The following PARP8 variants were observed in gnomAD, a reference collection of about 807,000 sequenced individuals.
PARP8 encodes the protein poly(ADP-ribose) polymerase family member 8, also known as protein mono-ADP-ribosyltransferase PARP8.
A neutral mutation model predicts 124.1 loss-of-function variants in PARP8; 51 were observed. The observed-to-expected ratio is 0.41, with a 90% CI of 0.33 to 0.52. The LOEUF (loss-of-function observed/expected upper bound fraction) is 0.52, where lower values mean the gene tolerates loss of function less well. Among genes scored for constraint, PARP8 ranks in the 20% least tolerant of loss-of-function variants. PARP8 has a pLI of 0.21. For synonymous variants in PARP8, 391 were observed against 361.5 expected (o/e 1.08, Z -0.93); for missense variants, 860 against 1,018.9 (o/e 0.84, Z 2.12).
chr5:50,695,235 G>A (rs1269639128), intron 2 of PARP8, among the ~76,000 whole-genome samples: 1 of 152,194 alleles, frequency 6.6e-6, no homozygotes, highest in East Asian at 1.9e-4. Context: ...AATGGAATGA[G>A]AATATTGCAT....
intron 2 of PARP8, among the ~76,000 whole-genome samples, chr5:50,710,178 A>G (rs911484957): frequency 2.1e-4 from 32 of 151,378 alleles, no homozygotes; most frequent in Non-Finnish European, 1.2e-4. Flanking sequence ...CTCCTGATGT[A>G]TTTTCTCAGT....
At chr5:50,689,017 AATTTTTTTTTTTTG>A (rs1377937446) in intron 2 of PARP8, among the ~76,000 whole-genome samples, 1 of 139,700 alleles carries the variant, frequency 7.2e-6, no homozygotes, top group African/African-American at 2.6e-5. Context: ...AATATGAATG[AATTTTTTTTTTTTG>A]ATTTTTTTTT....
In PARP8 at chr5:50,754,888, A is replaced by G. The variant is rs539255864; in HGVS notation, c.184+4700A>G. Among the ~76,000 whole-genome samples, 207 of 152,252 alleles carry G rather than the reference A, an allele frequency of 1.4e-3. 1 individual carries two copies. The highest frequency in any genetic ancestry group is 4.9e-3 in the African/African-American group (205 of 41,528). On this transcript the variant is annotated intron_variant, in intron 3 of 25. Coordinates refer to ENST00000281631, the MANE Select transcript of PARP8 (RefSeq NM_024615.4). Reference sequence around the variant, plus strand: ...AATGATCGCCATTCTAAGTGGTGTGAGATGGTATCTCATTGTGGTTTTGAT... The same window carrying G: ...AATGATCGCCATTCTAAGTGGTGTGGGATGGTATCTCATTGTGGTTTTGAT...
At chr5:50,682,781 T>A (rs1477141318) in intron 2 of PARP8, among the ~76,000 whole-genome samples, 2 of 152,196 alleles carry the variant, frequency 1.3e-5, no homozygotes, top group Non-Finnish European at 2.9e-5. Context: ...TCCTACTGAT[T>A]GCTTAGCTGT....
At chr5:50,833,908 T>G in intron 23 of PARP8, 71 bp from the exon 24 acceptor site, 2 of 1,331,308 alleles carry the variant, frequency 1.5e-6, no homozygotes, top group Non-Finnish European at 2.2e-6. Context: ...CTATTACTTT[T>G]TAATGATGAA....
intron 10 of PARP8, among the ~76,000 whole-genome samples, chr5:50,790,730 C>T (rs1310206944): frequency 6.6e-6 from 1 of 152,016 alleles, no homozygotes; most frequent in Non-Finnish European, 1.5e-5. Context: ...AGCTATGTGC[C>T]TTTTTCACTG....
At position 50,760,376 on chromosome 5, in the gene PARP8, A is replaced by AT. The variant is rs765268241; in HGVS notation, c.345+20dup. ...GAAAATGGGGAGGTATGTAAATTAT[A>AT]TTTTTTATTTTCTTGAAACAGTATA... On this transcript the variant is annotated intron_variant, in intron 5 of 25. Coordinates refer to ENST00000281631, the MANE Select transcript of PARP8 (RefSeq NM_024615.4). 2.7e-6 allele frequency: 4 copies of AT among 1,488,680 alleles called. No homozygotes were observed. The highest frequency in any genetic ancestry group is 2.0e-5 in the Admixed American group (1 of 50,194). The allele number at this position is 1,488,680 out of a possible 1,614,324, so 92.2% of individuals were successfully genotyped here. A position where few individuals can be genotyped will look rare whatever the true frequency, so the allele number is the denominator to read the frequency against.
intron 14 of PARP8, among the ~76,000 whole-genome samples, chr5:50,807,113 G>T (rs1421237278): frequency 1.3e-5 from 2 of 149,516 alleles, no homozygotes; most frequent in African/African-American, 2.5e-5. Context: ...ATTGTTTTTT[G>T]ATGACATAAA....
intron 25 of PARP8, among the ~76,000 whole-genome samples, chr5:50,841,583 A>AGT: frequency 6.6e-6 from 1 of 151,988 alleles, no homozygotes; most frequent in East Asian, 1.9e-4. Context: ...AAATGATCGA[A>AGT]GTAGGAGTAG....
At chr5:50,700,945 C>T (rs773847439) in intron 2 of PARP8, among the ~76,000 whole-genome samples, 41 of 152,168 alleles carry the variant, frequency 2.7e-4, no homozygotes, top group Non-Finnish European at 4.3e-4. Context: ...CATCTGAGTA[C>T]CCAGTAAAAC....
intron 2 of PARP8, among the ~76,000 whole-genome samples, chr5:50,747,154 G>T (rs112951133): frequency 0.024 from 2,866 of 120,474 alleles, 137 homozygotes; most frequent in African/African-American, 0.065. Context: ...TTTTTTGTTT[G>T]TTTGTTTTGT....
At chr5:50,733,283 C>CA (rs898905224) in intron 2 of PARP8, among the ~76,000 whole-genome samples, 10 of 148,130 alleles carry the variant, frequency 6.8e-5, no homozygotes, top group African/African-American at 2.5e-4. Context: ...GTGACAGGCT[C>CA]AAAAAAACAA....
intron 2 of PARP8, among the ~76,000 whole-genome samples, chr5:50,726,532 A>G (rs1410096694): frequency 1.3e-5 from 2 of 152,192 alleles, no homozygotes; most frequent in African/African-American, 4.8e-5. Flanking sequence ...TATATTGCCA[A>G]TGATGTGTCA....
At chr5:50,781,912 C>A (rs535405457) in intron 9 of PARP8, among the ~76,000 whole-genome samples, 1 of 152,120 alleles carries the variant, frequency 6.6e-6, no homozygotes, top group Non-Finnish European at 1.5e-5. Flanking sequence ...TATCTACCCT[C>A]GTCTCACTTG....
intron 10 of PARP8, among the ~76,000 whole-genome samples, chr5:50,792,617 C>A (rs1742088286): frequency 6.6e-6 from 1 of 151,746 alleles, no homozygotes; most frequent in Non-Finnish European, 1.5e-5. Flanking sequence ...GTGGAAATTT[C>A]AAATTAGGTA....
intron 2 of PARP8, chr5:50,739,031 A>C (rs1207950433): frequency 1.4e-6 from 1 of 702,528 alleles, no homozygotes; most frequent in Non-Finnish European, 2.6e-6. Flanking sequence ...ACCAGCAGAG[A>C]CCAGAGCTGT....
intron 2 of PARP8, among the ~76,000 whole-genome samples, chr5:50,692,735 T>C (rs1752630767): frequency 6.6e-6 from 1 of 152,118 alleles, no homozygotes; most frequent in Non-Finnish European, 1.5e-5. Context: ...TAAATCTTAC[T>C]CTCTTAAATT....
At chr5:50,778,694 T>C (rs1740317658) in intron 9 of PARP8, 44 bp downstream of exon 9, 4 of 1,323,070 alleles carry the variant, frequency 3.0e-6, no homozygotes, top group Middle Eastern at 2.3e-4. Context: ...ATTAATTAGC[T>C]GTGCACTATG....
intron 3 of PARP8, 41 bp downstream of exon 3, chr5:50,750,229 T>C: frequency 2.7e-6 from 4 of 1,481,370 alleles, no homozygotes; most frequent in South Asian, 1.2e-5. Flanking sequence ...CGTATCAGGG[T>C]TCCTTTGAAT....
Sources: allele counts gnomAD v4.1 joint callset (sites outside exome capture counted in the v4.1 genomes callset), GRCh38; gene constraint gnomAD v4.1.1; transcripts MANE v1.5; gene names NCBI Gene and HGNC (gene_info 2026-07-23, HGNC 2026-07-21).